TM9SF2: variants seen among roughly 807,000 people sequenced by gnomAD.
TM9SF2 encodes the protein 76 kDa membrane protein.
In TM9SF2, 13 loss-of-function variants were observed where a neutral mutation model predicts 84.9. The observed-to-expected ratio is 0.15, with a 90% CI of 0.10 to 0.24. TM9SF2 has a LOEUF of 0.24. Ranked by LOEUF, TM9SF2 falls within the 10% of genes least tolerant of loss-of-function variation. The probability of loss-of-function intolerance (pLI) is 1.00; values close to 1 mark genes in which losing one functional copy is unlikely to be tolerated. For missense variants in TM9SF2, 562 were observed against 818.5 expected, an observed-to-expected ratio of 0.69 and a Z score of 3.82; for synonymous variants, 273 against 285.8, an observed-to-expected ratio of 0.96 and a Z score of 0.45.
intron 6 of TM9SF2, 130 bp from the exon 7 acceptor site, chr13:99,539,316 A>T (rs767066218): frequency 1.7e-5 from 11 of 662,574 alleles, no homozygotes; most frequent in Middle Eastern, 5.1e-4. Context: ...TATTTATGCT[A>T]TTAAGTGTGA....
chr13:99,519,799 A>G lies in TM9SF2; in HGVS notation c.240-237A>G, dbSNP rs374313776. 3.3e-5 allele frequency among the ~76,000 whole-genome samples: 5 copies of G among 152,364 alleles called. No homozygotes were observed. The East Asian group carries it at 7.7e-4, about 23-fold the overall frequency. ...TGAGTCAATTAAAAGATATTGTAAT[A>G]TGCATTCTAATAAGAGAATGTTATT... On this transcript the variant is annotated intron_variant, in intron 2 of 16. Coordinates refer to ENST00000376387, the MANE Select transcript of TM9SF2 (RefSeq NM_004800.3).
rs1273423661 is a variant in TM9SF2, at chr13:99,563,747, G to C, written c.*989G>C. ...ATTACCTGGACATTAGCAATCACTA[G>C]CAAGTCTTCATCTTTATGATTTCAT... On this transcript the variant is annotated 3_prime_UTR_variant, in exon 17 of 17. Coordinates refer to ENST00000376387, the MANE Select transcript of TM9SF2 (RefSeq NM_004800.3). 6.6e-6 allele frequency: 1 copy of C among 152,214 alleles called. No individual in the cohort carries two copies. The highest frequency in any genetic ancestry group is 2.4e-5 in the African/African-American group (1 of 41,456). 9.4% of individuals were successfully genotyped at this position (152,214 alleles called of 1,614,324 possible).
chr13:99,507,255 C>T (rs1046023252), intron 1 of TM9SF2, among the ~76,000 whole-genome samples: 5 of 152,226 alleles, frequency 3.3e-5, no homozygotes, highest in African/African-American at 1.2e-4. Context: ...CTGCCTTCTA[C>T]TCTGAGCACT....
In TM9SF2 at chr13:99,562,935, A is replaced by G. The variant is rs912020197; in HGVS notation, c.*177A>G. 7.3e-6 allele frequency: 4 copies of G among 550,304 alleles called. No individual in the cohort carries two copies. The highest frequency in any genetic ancestry group is 3.5e-5 in the Admixed American group (1 of 28,912). The allele number at this position is 550,304 out of a possible 1,614,324, so 34.1% of individuals were successfully genotyped here. ...CTTTCCCCCATAAGATGTGTCTTCA[A>G]CACTATAAAGCATTTGTATTGTGAT... On this transcript the variant is annotated 3_prime_UTR_variant, in exon 17 of 17. Coordinates refer to ENST00000376387, the MANE Select transcript of TM9SF2 (RefSeq NM_004800.3).
rs1200134564 is a variant in TM9SF2 at position 99,547,195 on chromosome 13, G to A, written c.1270+91G>A. Reference sequence around the variant, plus strand: ...CCTGGGTATCAGATGGTGATGCTTTGTAAATAGTGTGCCTCATAGGGGTCT... The same window carrying A: ...CCTGGGTATCAGATGGTGATGCTTTATAAATAGTGTGCCTCATAGGGGTCT... On this transcript the variant is annotated intron_variant, in intron 11 of 16. Coordinates refer to ENST00000376387, the MANE Select transcript of TM9SF2 (RefSeq NM_004800.3). 1.2e-5 allele frequency: 19 copies of A among 1,559,114 alleles called. No homozygotes were observed. The Admixed American group carries it at 2.7e-4, about 22-fold the overall frequency.
chr13:99,523,688 A>G (rs1230392635), intron 3 of TM9SF2, among the ~76,000 whole-genome samples: 2 of 152,208 alleles, frequency 1.3e-5, no homozygotes, highest in African/African-American at 4.8e-5. Context: ...AGTACCTTTC[A>G]TGTGCCAGGC....
intron 4 of TM9SF2, 99 bp downstream of exon 4, chr13:99,529,693 A>C: frequency 7.9e-7 from 1 of 1,262,570 alleles, no homozygotes; most frequent in Non-Finnish European, 1.0e-6. Flanking sequence ...AAATATAGCA[A>C]ATTAATTGAT....
chr13:99,523,410 C>CA (rs2046168941), intron 3 of TM9SF2, among the ~76,000 whole-genome samples: 1 of 152,182 alleles, frequency 6.6e-6, no homozygotes, highest in Non-Finnish European at 1.5e-5. Flanking sequence ...CTTAGCCACC[C>CA]AAAGTTCTGG....
Position 99,541,586 on chromosome 13 carries a change from C to T in TM9SF2, c.936C>T (p.Leu312=). 6.2e-7 allele frequency: 1 copy of T among 1,613,038 alleles called. No individual in the cohort carries two copies. Among genetic ancestry groups the T allele is most frequent in the Non-Finnish European group, 8.5e-7 (1 of 1,179,450 alleles). Residue 312 remains leucine (L), a synonymous_variant, in exon 9 of 17, where the codon CTC becomes CTT. Transcript: ENST00000376387. ...FSIMNSLVIV[L]FLSGMVAMIM... is the part of the protein sequence containing the mutation. The stretch of plus-strand genomic sequence containing the variant: ...TTATGAATTCCCTGGTCATTGTTCT[C>T]TTCTTATCTGGAATGGTAGCTATGA...
At position 99,501,666 on chromosome 13, in the gene TM9SF2, G is replaced by A; in HGVS notation, c.60G>A (p.Ser20=). The A allele has an allele frequency of 6.2e-7, 1 of 1,613,178 alleles. No homozygotes were observed. The highest frequency in any genetic ancestry group is 8.5e-7 in the Non-Finnish European group (1 of 1,179,736). The change falls in exon 1 of 17, where the codon TCG becomes TCA. Residue 20 remains serine (S), a synonymous_variant. Coordinates refer to ENST00000376387, the MANE Select transcript of TM9SF2 (RefSeq NM_004800.3). ...PPRWPRLLLL[S]LLLLGAVPGP... is the part of the protein sequence containing the mutation. ...GGTGGCCGCGGCTGTTGCTGCTGTC[G>A]CTGCTCCTGCTGGGGGCGGTTCCTG... is the stretch of plus-strand genomic sequence containing the variant.
At chr13:99,517,775 G>A (rs1196155372) in intron 2 of TM9SF2, 94 bp downstream of exon 2, 6 of 750,368 alleles carry the variant, frequency 8.0e-6, no homozygotes, top group Non-Finnish European at 1.2e-5. Flanking sequence ...TTATGGACAA[G>A]CCTGAAAATA....
chr13:99,547,095 T>C lies in TM9SF2; in HGVS notation c.1261T>C (p.Phe421Leu), dbSNP rs2046286003. 8 of 1,614,134 alleles carry C rather than the reference T, an allele frequency of 5.0e-6. No individual in the cohort carries two copies. Among genetic ancestry groups the C allele is most frequent in the Non-Finnish European group, 5.9e-6 (7 of 1,180,012 alleles). ...GTPAGYVAAR[F>L]YKSFGGEKWK... ...CCCTGCAGGCTATGTTGCTGCCAGA[T>C]TCTATAAGTGTAAGTCAAAGCCACT... The change falls in exon 11 of 17, where the codon TTC becomes CTC. Residue 421 changes from phenylalanine to leucine, a missense_variant. Physicochemically the swap from Phe to Leu is conservative, Grantham distance 22. Around this residue, in one of 4 missense-constraint regions of TM9SF2, gnomAD observed 219 missense variants for 338.1 expected, o/e 0.65. Coordinates refer to ENST00000376387, the MANE Select transcript of TM9SF2 (RefSeq NM_004800.3).
chr13:99,509,615 G>A (rs540222837), intron 1 of TM9SF2, among the ~76,000 whole-genome samples: 175 of 152,306 alleles, frequency 1.1e-3, no homozygotes, highest in African/African-American at 4.1e-3. Flanking sequence ...GGAGTGGCCT[G>A]AATGCTGGGA....
At chr13:99,530,948 T>C (rs1437521158) in intron 4 of TM9SF2, among the ~76,000 whole-genome samples, 1 of 151,628 alleles carries the variant, frequency 6.6e-6, no homozygotes, top group Non-Finnish European at 1.5e-5. Flanking sequence ...GCAACCTCCG[T>C]CTCCTGGGGT....
chr13:99,512,740 A>G (rs1355921482), intron 1 of TM9SF2, among the ~76,000 whole-genome samples: 1 of 152,200 alleles, frequency 6.6e-6, no homozygotes, highest in East Asian at 1.9e-4. Flanking sequence ...AGTTTTGACA[A>G]CATTGTTTTT....
chr13:99,540,260 A>G (rs1298899402), intron 7 of TM9SF2, among the ~76,000 whole-genome samples: 1 of 152,004 alleles, frequency 6.6e-6, no homozygotes, highest in Non-Finnish European at 1.5e-5. Flanking sequence ...ATAATGTTTC[A>G]TTTTGCAAAC....
In TM9SF2 at chr13:99,536,717, A is replaced by G; in HGVS notation, c.571A>G (p.Lys191Glu). The G allele has an allele frequency of 1.9e-6, 3 of 1,613,654 alleles. No individual in the cohort carries two copies. Among genetic ancestry groups the G allele is most frequent in the Non-Finnish European group, 2.5e-6 (3 of 1,179,694 alleles). Residue 191 changes from lysine (K) to glutamate (E), a missense_variant, in exon 5 of 17, where the codon AAA becomes GAA. Physicochemically the swap from Lys to Glu is moderately conservative, Grantham distance 56. This residue lies in a region of TM9SF2 where 267 missense variants were observed against 316.7 expected (regional missense o/e 0.84). Transcript: ENST00000376387. ...TTACATTACAGATAAAGGCCATGCA[A>G]AAGATGCCTGTGTTATTAGTGTAAG... ...GCYITDKGHA[K>E]DACVISSDFH...
intron 3 of TM9SF2, among the ~76,000 whole-genome samples, chr13:99,523,580 G>GT (rs2046169616): frequency 1.3e-5 from 2 of 152,218 alleles, no homozygotes; most frequent in African/African-American, 4.8e-5. Context: ...AAGACATTGT[G>GT]TGTATTATGT....
chr13:99,555,936 T>C (rs1205958040), intron 15 of TM9SF2, among the ~76,000 whole-genome samples: 1 of 152,180 alleles, frequency 6.6e-6, no homozygotes, highest in Non-Finnish European at 1.5e-5. Context: ...TTAATACTTT[T>C]GTGATACAAA....
Sources: allele counts gnomAD v4.1 joint callset (sites outside exome capture counted in the v4.1 genomes callset), GRCh38; gene constraint gnomAD v4.1.1; regional missense constraint gnomAD v4.1.1; transcripts MANE v1.5; gene names NCBI Gene and HGNC (gene_info 2026-07-23, HGNC 2026-07-21).